The following SLC22A25 variants were observed in gnomAD, a reference collection of about 807,000 sequenced individuals.
The protein encoded by SLC22A25 is MGI:2442751, MGI:2385316, MGI:3042283, MGI:3645714, MGI:3605624, MGI:2442750.
Under a neutral mutation model 45.9 loss-of-function variants are expected in SLC22A25, and 44 were observed. The ratio of observed to expected loss-of-function variants is 0.96; its 90% CI spans 0.75 to 1.23. The LOEUF (loss-of-function observed/expected upper bound fraction) is 1.23, where lower values mean the gene tolerates loss of function less well. SLC22A25 is among the 50% of genes most tolerant of loss of function. SLC22A25 has a pLI of 0.00. For missense variants in SLC22A25, 800 were observed against 666.4 expected (o/e 1.20, Z -2.21); for synonymous variants, 283 against 238.6 (o/e 1.19, Z -1.72).
chr11:63,233,762 T>C (rs1280837468), intron 3 of SLC22A25, among the ~76,000 whole-genome samples: 2 of 152,254 alleles, frequency 1.3e-5, no homozygotes, highest in Non-Finnish European at 2.9e-5. Flanking sequence ...TGCTTTCTCT[T>C]GTAGGCATTT....
chr11:63,207,810 G>A (rs1268198263), intron 7 of SLC22A25, among the ~76,000 whole-genome samples: 1 of 152,162 alleles, frequency 6.6e-6, no homozygotes, highest in Non-Finnish European at 1.5e-5. Context: ...CGTAAAACAT[G>A]TTTGTTTTTG....
chr11:63,213,068 AG>A (rs1010694018), intron 7 of SLC22A25, among the ~76,000 whole-genome samples: 24 of 152,306 alleles, frequency 1.6e-4, no homozygotes, highest in Admixed American at 1.5e-3. Flanking sequence ...AGGCCAGCCC[AG>A]GCTTGGAAGT....
chr11:63,166,822 A>G lies in SLC22A25; in HGVS notation c.1071-564T>C, dbSNP rs2087700554. 7 of 984,878 alleles carry G rather than the reference A, an allele frequency of 7.1e-6. No individual in the cohort carries two copies. In the African/African-American group the frequency reaches 8.7e-5, roughly 12 times the overall value. The allele number at this position is 984,878 out of a possible 1,614,324, so 61.0% of individuals were successfully genotyped here. ...CCTATTTTTATATTATGTATATTTA[A>G]TGGTGTCTAACTTCATTATGGTTTT... On this transcript the variant is annotated intron_variant, in intron 9 of 11. Transcript: ENST00000306494.
chr11:63,229,059 C>T (rs780674084), intron 4 of SLC22A25, among the ~76,000 whole-genome samples, 192 bp downstream of exon 4: 2 of 152,192 alleles, frequency 1.3e-5, no homozygotes, highest in Non-Finnish European at 2.9e-5. Context: ...AGCAGGGTCA[C>T]ATCTACTTTT....
chr11:63,188,283 T>C (rs1424435282), intron 7 of SLC22A25, among the ~76,000 whole-genome samples: 1 of 152,236 alleles, frequency 6.6e-6, no homozygotes, highest in African/African-American at 2.4e-5. Flanking sequence ...GGAGGGTGGA[T>C]GTGTCCAGGA....
chr11:63,240,236 A>G (rs2090226229), intron 1 of SLC22A25, among the ~76,000 whole-genome samples: 1 of 152,226 alleles, frequency 6.6e-6, no homozygotes, highest in African/African-American at 2.4e-5. Context: ...GGTTTTGCCA[A>G]GCATGGATCT....
chr11:63,166,351 T>C, intron 9 of SLC22A25, 93 bp from the exon 10 acceptor site: 7 of 1,498,740 alleles, frequency 4.7e-6, no homozygotes, highest in Non-Finnish European at 6.2e-6. Flanking sequence ...CCAAGGACTC[T>C]TTAAAGTAAA....
intron 9 of SLC22A25, among the ~76,000 whole-genome samples, chr11:63,174,516 G>A (rs867619887): frequency 1.3e-5 from 2 of 152,088 alleles, no homozygotes; most frequent in African/African-American, 2.4e-5. Flanking sequence ...GGTAAAACAC[G>A]TATCCTGTGA....
At chr11:63,176,496 C>A (rs528672554) in intron 9 of SLC22A25, among the ~76,000 whole-genome samples, 14 of 151,942 alleles carry the variant, frequency 9.2e-5, no homozygotes, top group African/African-American at 3.4e-4. Flanking sequence ...TTCTTAATCT[C>A]ATTTTTGGAT....
intron 5 of SLC22A25, chr11:63,219,840 G>A: frequency 9.5e-7 from 1 of 1,048,752 alleles, no homozygotes; most frequent in South Asian, 1.3e-5. Flanking sequence ...CAGAGAGCTG[G>A]GTTACTGGAC....
intron 5 of SLC22A25, chr11:63,218,013 A>G (rs1011675893): frequency 8.5e-6 from 5 of 589,766 alleles, no homozygotes; most frequent in Non-Finnish European, 1.3e-5. Context: ...GGGATGTTGA[A>G]ATGTTAACAC....
At chr11:63,189,954 C>T (rs895448329) in intron 7 of SLC22A25, among the ~76,000 whole-genome samples, 1 of 152,218 alleles carries the variant, frequency 6.6e-6, no homozygotes, top group East Asian at 1.9e-4. Flanking sequence ...GTAACCCAAG[C>T]TTTCTGTCTG....
In SLC22A25 at chr11:63,233,511, T is replaced by C. The variant is rs1222442881; in HGVS notation, c.-444-3415A>G. On this transcript the variant is annotated intron_variant, in intron 3 of 11. Transcript: ENST00000306494. Reference sequence around the variant, plus strand: ...CTTTGTCATTTTTTATTGCATCTACTTGATTTTTCTCTCTTTTGTTCTTTA... The same window carrying C: ...CTTTGTCATTTTTTATTGCATCTACCTGATTTTTCTCTCTTTTGTTCTTTA... Among the ~76,000 whole-genome samples the C allele has an allele frequency of 2.0e-5, 3 of 152,224 alleles. No homozygotes were observed. The East Asian group carries it at 5.8e-4, about 29-fold the overall frequency.
At chr11:63,233,402 G>A (rs1299810339) in intron 3 of SLC22A25, among the ~76,000 whole-genome samples, 1 of 152,170 alleles carries the variant, frequency 6.6e-6, no homozygotes, top group Admixed American at 6.5e-5. Context: ...ATGTCTTCTA[G>A]ATTTTCTAGT....
chr11:63,199,592 A>G (rs1357226426), intron 7 of SLC22A25, among the ~76,000 whole-genome samples: 2 of 152,048 alleles, frequency 1.3e-5, no homozygotes, highest in South Asian at 2.1e-4. Flanking sequence ...TGAACCAAAG[A>G]CATTTAGTCT....
intron 7 of SLC22A25, among the ~76,000 whole-genome samples, chr11:63,191,761 CT>C (rs1372196427): frequency 1.3e-4 from 20 of 151,956 alleles, no homozygotes; most frequent in African/African-American, 4.8e-4. Context: ...TGCAGACTGC[CT>C]TTGTGAAATA....
rs564836490 is a variant in SLC22A25 at position 63,232,670 on chromosome 11, G to A, written c.-444-2574C>T. ...CCCTGGCCAGAACTTCCAACACTAT[G>A]TTGAATAGGAGTGGTGAGAGAGGGC... On this transcript the variant is annotated intron_variant, in intron 3 of 11. Coordinates refer to ENST00000306494, the MANE Select transcript of SLC22A25 (RefSeq NM_199352.6). 2.0e-5 allele frequency among the ~76,000 whole-genome samples: 3 copies of A among 152,270 alleles called. No homozygotes were observed. In the East Asian group the frequency reaches 5.8e-4, roughly 29 times the overall value.
At chr11:63,242,371 G>A (rs2090263566) in intron 1 of SLC22A25, among the ~76,000 whole-genome samples, 1 of 152,188 alleles carries the variant, frequency 6.6e-6, no homozygotes, top group South Asian at 2.1e-4. Context: ...TTATCAAGGG[G>A]CACTCGATAT....
At chr11:63,234,158 T>G (rs887558235) in intron 3 of SLC22A25, among the ~76,000 whole-genome samples, 1 of 152,208 alleles carries the variant, frequency 6.6e-6, no homozygotes, top group African/African-American at 2.4e-5. Context: ...TAGGTCCGCT[T>G]GGTGCAGAGC....
Sources: gnomAD v4.1 joint callset for allele counts (sites outside exome capture counted in the v4.1 genomes callset) on GRCh38, gnomAD v4.1.1 for gene constraint, MANE v1.5 for transcripts, NCBI Gene and HGNC (gene_info 2026-07-23, HGNC 2026-07-21) for gene names.